HSF2BP: variants seen among roughly 807,000 people sequenced by gnomAD.
HSF2BP encodes the protein heat shock factor 2-binding protein.
Under a neutral mutation model 35.0 loss-of-function variants are expected in HSF2BP, and 35 were observed. The ratio of observed to expected loss-of-function variants is 1.00; its 90% CI spans 0.76 to 1.32. The LOEUF (loss-of-function observed/expected upper bound fraction) is 1.32, where lower values mean the gene tolerates loss of function less well. Among genes scored for constraint, HSF2BP ranks in the 40% most tolerant of loss-of-function variants. The pLI is 0.00. For synonymous variants in HSF2BP, 114 were observed against 117.4 expected (o/e 0.97, Z 0.18); for missense variants, 326 against 321.7 (o/e 1.01, Z -0.10).
intron 6 of HSF2BP, among the ~76,000 whole-genome samples, chr21:43,616,535 T>C (rs1601674732): frequency 1.3e-5 from 2 of 152,104 alleles, no homozygotes; most frequent in East Asian, 1.9e-4. Flanking sequence ...CCTAGTTACT[T>C]GGGAGGCTAA....
At chr21:43,631,381 G>A (rs1037187119) in intron 5 of HSF2BP, among the ~76,000 whole-genome samples, 2 of 151,840 alleles carry the variant, frequency 1.3e-5, no homozygotes, top group Admixed American at 1.3e-4. Context: ...CCCGGCCATC[G>A]CATCTGCCTC....
At chr21:43,601,159 T>G (rs949142885) in intron 7 of HSF2BP, among the ~76,000 whole-genome samples, 5 of 152,202 alleles carry the variant, frequency 3.3e-5, no homozygotes, top group African/African-American at 1.2e-4. Flanking sequence ...GGAGTACACA[T>G]GCAGACGGGG....
chr21:43,588,076 G>T (rs543140449), intron 8 of HSF2BP, among the ~76,000 whole-genome samples: 15 of 152,310 alleles, frequency 9.8e-5, no homozygotes, highest in African/African-American at 3.6e-4. Context: ...TCAACTAAAT[G>T]TGAGAAGTCA....
chr21:43,592,787 C>T (rs139029299), intron 7 of HSF2BP, among the ~76,000 whole-genome samples: 98 of 152,238 alleles, frequency 6.4e-4, no homozygotes, highest in African/African-American at 2.3e-3. Flanking sequence ...TACATAATCA[C>T]AGTACAAGGA....
intron 7 of HSF2BP, among the ~76,000 whole-genome samples, chr21:43,598,686 C>CA (rs11387494): frequency 0.6 from 90,429 of 151,688 alleles, 27,339 homozygotes; most frequent in East Asian, 0.79. Context: ...GTTTCACTGA[C>CA]AATTTTTACA....
chr21:43,606,260 C>A (rs563023883), intron 7 of HSF2BP, among the ~76,000 whole-genome samples: 1 of 152,080 alleles, frequency 6.6e-6, no homozygotes, highest in African/African-American at 2.4e-5. Context: ...GACGAGAGTC[C>A]GTGCACACAA....
At chr21:43,607,520 C>T (rs1285395817) in intron 7 of HSF2BP, among the ~76,000 whole-genome samples, 2 of 152,122 alleles carry the variant, frequency 1.3e-5, no homozygotes, top group African/African-American at 2.4e-5. Context: ...TCCAAACTGC[C>T]CAAAGCAATC....
intron 3 of HSF2BP, among the ~76,000 whole-genome samples, chr21:43,655,094 C>G (rs2082848438): frequency 6.6e-6 from 1 of 152,212 alleles, no homozygotes; most frequent in African/African-American, 2.4e-5. Flanking sequence ...TAAAGACACT[C>G]ATGTTAACTA....
At chr21:43,644,029 A>T (rs1032196511) in intron 4 of HSF2BP, among the ~76,000 whole-genome samples, 1 of 152,224 alleles carries the variant, frequency 6.6e-6, no homozygotes, top group Non-Finnish European at 1.5e-5. Flanking sequence ...ATGAACTAAG[A>T]TAATTATGAA....
intron 6 of HSF2BP, among the ~76,000 whole-genome samples, chr21:43,616,943 A>G (rs2082278806): frequency 6.6e-6 from 1 of 151,900 alleles, no homozygotes; most frequent in African/African-American, 2.4e-5. Flanking sequence ...AAAAAAAAGA[A>G]AAAAGGAAAA....
intron 7 of HSF2BP, among the ~76,000 whole-genome samples, chr21:43,611,338 A>G (rs745944852): frequency 3.3e-5 from 5 of 152,252 alleles, no homozygotes; most frequent in Non-Finnish European, 5.9e-5. Context: ...AAAATGGACT[A>G]GAAAGCTTGG....
chr21:43,594,595 A>G (rs542863477), intron 7 of HSF2BP, among the ~76,000 whole-genome samples: 1 of 152,232 alleles, frequency 6.6e-6, no homozygotes, highest in East Asian at 1.9e-4. Flanking sequence ...AAATGAACTC[A>G]GAAAAGATCT....
At chr21:43,580,313 T>C (rs139981160) in intron 8 of HSF2BP, among the ~76,000 whole-genome samples, 34 of 152,318 alleles carry the variant, frequency 2.2e-4, no homozygotes, top group African/African-American at 7.7e-4. Flanking sequence ...TATGAGTTAA[T>C]TGTATCCTGA....
At chr21:43,616,353 C>A (rs2082270482) in intron 6 of HSF2BP, among the ~76,000 whole-genome samples, 1 of 152,202 alleles carries the variant, frequency 6.6e-6, no homozygotes, top group African/African-American at 2.4e-5. Flanking sequence ...ACAGAAATAG[C>A]ACAGTGAAGG....
intron 5 of HSF2BP, among the ~76,000 whole-genome samples, chr21:43,632,378 T>TC (rs141776331): frequency 8.5e-5 from 3 of 35,446 alleles, no homozygotes; most frequent in African/African-American, 1.6e-4. Flanking sequence ...ACACACACGC[T>TC]CCCCCCCCAC....
chr21:43,620,862 C>G (rs1343125421), intron 6 of HSF2BP, among the ~76,000 whole-genome samples: 1 of 151,920 alleles, frequency 6.6e-6, no homozygotes, highest in Admixed American at 6.6e-5. Context: ...AGCTCAGAGA[C>G]AAGCTATCAA....
intron 8 of HSF2BP, among the ~76,000 whole-genome samples, chr21:43,591,301 G>A (rs2081923000): frequency 6.6e-6 from 1 of 152,174 alleles, no homozygotes; most frequent in African/African-American, 2.4e-5. Context: ...TCTCTTCATA[G>A]CTGCAGTGTC....
At chr21:43,609,383 C>T (rs769240686) in intron 7 of HSF2BP, among the ~76,000 whole-genome samples, 2 of 152,078 alleles carry the variant, frequency 1.3e-5, no homozygotes, top group Non-Finnish European at 2.9e-5. Context: ...CTTGGCATCA[C>T]GCAATATACT....
At chr21:43,579,944 G>A (rs2146699679) in intron 8 of HSF2BP, among the ~76,000 whole-genome samples, 1 of 152,340 alleles carries the variant, frequency 6.6e-6, no homozygotes, top group Non-Finnish European at 1.5e-5. Flanking sequence ...TATCATGGAA[G>A]TGAAGGGACT....
Sources: gnomAD v4.1 joint callset for allele counts (sites outside exome capture counted in the v4.1 genomes callset) on GRCh38, gnomAD v4.1.1 for gene constraint, MANE v1.5 for transcripts, NCBI Gene and HGNC (gene_info 2026-07-23, HGNC 2026-07-21) for gene names.